Variants in HMGCS1 observed in about 807,000 individuals in gnomAD.
HMGCS1 encodes hydroxymethylglutaryl-CoA synthase, cytoplasmic.
HMGCS1 carries 9 observed loss-of-function variants against 52.3 expected under a neutral mutation model. The ratio of observed to expected loss-of-function variants is 0.17; its 90% CI spans 0.10 to 0.30. HMGCS1 has a LOEUF of 0.30. HMGCS1 is among the 10% of genes least tolerant of loss of function. HMGCS1 has a pLI of 1.00. For missense variants in HMGCS1, 320 were observed against 620.9 expected (o/e 0.52, Z 5.15); for synonymous variants, 176 against 214.4 (o/e 0.82, Z 1.57).
At chr5:43,301,282 T>C (rs142609116) in intron 2 of HMGCS1, among the ~76,000 whole-genome samples, 3 of 152,186 alleles carry the variant, frequency 2.0e-5, no homozygotes, top group East Asian at 3.9e-4. Context: ...AGGTAAATAA[T>C]AGATTAGAAT....
intron 2 of HMGCS1, among the ~76,000 whole-genome samples, chr5:43,299,445 C>G (rs922739098): frequency 6.6e-6 from 1 of 151,218 alleles, no homozygotes; most frequent in Non-Finnish European, 1.5e-5. Flanking sequence ...GTCAGGAGAT[C>G]GAGACCATCC....
chr5:43,291,987 CTTTTTTTTTT>C (rs537398917), intron 10 of HMGCS1, among the ~76,000 whole-genome samples: 1 of 83,114 alleles, frequency 1.2e-5, no homozygotes, highest in African/African-American at 5.5e-5. Context: ...ACTGTATATT[CTTTTTTTTTT>C]TTTTTTTTTT....
At chr5:43,309,827 A>G (rs963525556) in intron 1 of HMGCS1, among the ~76,000 whole-genome samples, 6 of 152,204 alleles carry the variant, frequency 3.9e-5, no homozygotes, top group African/African-American at 1.2e-4. Context: ...GACTCATGGG[A>G]TGAAATATAG....
At chr5:43,312,345 C>G (rs1341574683) in intron 1 of HMGCS1, among the ~76,000 whole-genome samples, 1 of 152,198 alleles carries the variant, frequency 6.6e-6, no homozygotes, top group Non-Finnish European at 1.5e-5. Flanking sequence ...AGGTGGGGAG[C>G]TGCAGCAGAG....
rs1364269437 is a variant in HMGCS1 at position 43,311,647 on chromosome 5, G to A, written c.-70+1709C>T. ...TGTTACAACAATATCGGGTTTTTGC[G>A]TTTATTTCTTCTGAGAAAAGCTATC... On this transcript the variant is annotated intron_variant, in intron 1 of 10. Transcript: ENST00000325110. Among the ~76,000 whole-genome samples the A allele has an allele frequency of 6.6e-5, 10 of 152,150 alleles. No homozygotes were observed. In the East Asian group the frequency reaches 9.6e-4, roughly 15 times the overall value.
At chr5:43,311,838 C>T (rs188347764) in intron 1 of HMGCS1, among the ~76,000 whole-genome samples, 2 of 152,182 alleles carry the variant, frequency 1.3e-5, no homozygotes, top group Non-Finnish European at 2.9e-5. Flanking sequence ...CTCCCCACAG[C>T]GTAAGTCAGA....
chr5:43,311,252 A>G (rs12518032), intron 1 of HMGCS1, among the ~76,000 whole-genome samples: 67,956 of 150,642 alleles, frequency 0.45, 16,073 homozygotes, highest in Middle Eastern at 0.62. Flanking sequence ...ACTGGGAGGC[A>G]TAAGTTGCAG....
At position 43,310,553 on chromosome 5, in the gene HMGCS1, A is replaced by G. The variant is rs571756957; in HGVS notation, c.-69-2729T>C. Among the ~76,000 whole-genome samples the G allele has an allele frequency of 3.9e-5, 6 of 152,352 alleles. No individual in the cohort carries two copies. In the East Asian group the frequency reaches 1.2e-3, roughly 29 times the overall value. ...TTTTTCAGTGGCTGAATTTGGAGTT[A>G]TAACTACTAGAGGACAAATCTTTTA... is the stretch of plus-strand genomic sequence containing the variant. On this transcript the variant is annotated intron_variant, in intron 1 of 10. Transcript: ENST00000325110.
chr5:43,301,010 G>A (rs2111690705), intron 2 of HMGCS1, among the ~76,000 whole-genome samples: 1 of 152,040 alleles, frequency 6.6e-6, no homozygotes, highest in South Asian at 2.1e-4. Context: ...ATAATAAACA[G>A]GTAACAACAT....
At chr5:43,305,761 C>T (rs1337586885) in intron 2 of HMGCS1, among the ~76,000 whole-genome samples, 1 of 124,604 alleles carries the variant, frequency 8.0e-6, no homozygotes, top group South Asian at 2.5e-4. Context: ...CAGCCTGGGT[C>T]ACAGAGTGAG....
intron 6 of HMGCS1, among the ~76,000 whole-genome samples, chr5:43,295,357 T>C (rs1000814770): frequency 6.6e-6 from 1 of 151,902 alleles, no homozygotes; most frequent in Non-Finnish European, 1.5e-5. Flanking sequence ...GAGCCTAAAG[T>C]GAGAAAAAGA....
Position 43,298,484 on chromosome 5 carries a change from T to G in HMGCS1, c.448+34A>C. Reference sequence around the variant, plus strand: ...GTCTATTGAACCTTAGAAAAAAATTTTGGGGGACGGCGGGGAATAGGCATG... The same window carrying G: ...GTCTATTGAACCTTAGAAAAAAATTGTGGGGGACGGCGGGGAATAGGCATG... On this transcript the variant is annotated intron_variant, in intron 3 of 10. Transcript: ENST00000325110. This position sits in a 1 kb window ranked among gnomAD's most constrained non-coding sequence, Gnocchi z 5.6. 6.4e-7 allele frequency: 1 copy of G among 1,554,826 alleles called. No homozygotes were observed. Among genetic ancestry groups the G allele is most frequent in the Non-Finnish European group, 8.7e-7 (1 of 1,144,218 alleles).
chr5:43,308,553 T>C (rs1056824045), intron 1 of HMGCS1, among the ~76,000 whole-genome samples: 2 of 152,228 alleles, frequency 1.3e-5, no homozygotes, highest in African/African-American at 2.4e-5. Flanking sequence ...GTTAAAAAAT[T>C]AAGCATTTAG....
chr5:43,310,266 G>A (rs1242870306), intron 1 of HMGCS1, among the ~76,000 whole-genome samples: 1 of 152,116 alleles, frequency 6.6e-6, no homozygotes, highest in East Asian at 1.9e-4. Flanking sequence ...CATCTTCAAG[G>A]CCCTGTTCTA....
rs1379711311 is a variant in HMGCS1 at position 43,297,015 on chromosome 5, G to C, written c.726C>G (p.Ala242=). The part of the protein sequence containing the change: ...CYSVYCKKIH[A]QWQKEGNDKD... ...GGTAAAACTTACCTTTCTGCCACTG[G>C]GCATGGATCTTTTTGCAGTAGACAG... The change falls in exon 5 of 11, where the codon GCC becomes GCG. Residue 242 remains alanine (A), a synonymous_variant. Coordinates refer to ENST00000325110, the MANE Select transcript of HMGCS1 (RefSeq NM_001098272.3). The C allele has an allele frequency of 3.1e-6, 5 of 1,613,600 alleles. No homozygotes were observed. Among genetic ancestry groups the C allele is most frequent in the Non-Finnish European group, 4.2e-6 (5 of 1,179,762 alleles).
chr5:43,300,945 TC>T (rs1233661978), intron 2 of HMGCS1, among the ~76,000 whole-genome samples: 1 of 152,116 alleles, frequency 6.6e-6, no homozygotes, highest in East Asian at 1.9e-4. Flanking sequence ...ATGGGAGACT[TC>T]CTTATCCTCT....
rs1166775213 is a variant in HMGCS1 at position 43,298,391 on chromosome 5, T to C, written c.448+127A>G. 4 of 710,992 alleles carry C rather than the reference T, an allele frequency of 5.6e-6. No individual in the cohort carries two copies. Among genetic ancestry groups the C allele is most frequent in the South Asian group, 3.8e-5 (2 of 52,558 alleles). The allele number at this position is 710,992 out of a possible 1,614,324, so 44.0% of individuals were successfully genotyped here. A position where few individuals can be genotyped will look rare whatever the true frequency, so the allele number is the denominator to read the frequency against. On this transcript the variant is annotated intron_variant, in intron 3 of 10. Transcript: ENST00000325110. This position sits in a 1 kb window ranked among gnomAD's most constrained non-coding sequence, Gnocchi z 5.6. ...TAATGACAGACAGGTAAAATATCTT[T>C]CTTAATATATCCAAACAAGGACAAA...
intron 1 of HMGCS1, among the ~76,000 whole-genome samples, chr5:43,308,695 C>A (rs1256658400): frequency 6.6e-6 from 1 of 152,190 alleles, no homozygotes. Context: ...ATGTTTAACA[C>A]AGCATACACC....
chr5:43,295,823 C>T lies in HMGCS1; in HGVS notation c.834G>A (p.Met278Ile). 16 of 1,612,872 alleles carry T rather than the reference C, an allele frequency of 9.9e-6. No individual in the cohort carries two copies. The highest frequency in any genetic ancestry group is 1.4e-5 in the Non-Finnish European group (16 of 1,178,974). ...CKLVQKSLARMLLNDFLNDQN... is the reference protein window; with the variant it reads ...CKLVQKSLARILLNDFLNDQN... ...GGTCATTAAGGAAGTCATTCAGCAA[C>T]ATCCGAGCTAGAGATTTCTGAACCA... Residue 278 changes from methionine (M) to isoleucine (I), a missense_variant, in exon 6 of 11, where the codon ATG (methionine) becomes ATA (isoleucine). By Grantham distance (10) the Met-to-Ile change is conservative (BLOSUM62 1). Transcript: ENST00000325110.
Sources: allele counts gnomAD v4.1 joint callset (sites outside exome capture counted in the v4.1 genomes callset), GRCh38; gene constraint gnomAD v4.1.1; non-coding constraint Gnocchi (gnomAD v3.1); transcripts MANE v1.5; gene names NCBI Gene and HGNC (gene_info 2026-07-23, HGNC 2026-07-21).